The following MAPK4 variants were observed in gnomAD, a reference collection of about 807,000 sequenced individuals.
The protein encoded by MAPK4 is mitogen-activated protein kinase 4, also known as Erk3-related.
A neutral mutation model predicts 47.7 loss-of-function variants in MAPK4; 22 were observed. The ratio of observed to expected loss-of-function variants is 0.46; its 90% CI spans 0.33 to 0.66. The LOEUF (loss-of-function observed/expected upper bound fraction) is 0.66, where lower values mean the gene tolerates loss of function less well. Among genes scored for constraint, MAPK4 ranks in the 30% least tolerant of loss-of-function variants. The probability of loss-of-function intolerance (pLI) is 0.02; values close to 1 mark genes in which losing one functional copy is unlikely to be tolerated. For missense variants in MAPK4, 736 were observed against 831.7 expected (o/e 0.88, Z 1.42); for synonymous variants, 390 against 365.7 (o/e 1.07, Z -0.76).
Position 50,729,956 on chromosome 18 carries a change from G to T in MAPK4, c.*102G>T, listed in dbSNP as rs934074299. On this transcript the variant is annotated 3_prime_UTR_variant, in exon 6 of 6. Coordinates refer to ENST00000400384, the MANE Select transcript of MAPK4 (RefSeq NM_002747.4). ...CTTCCCGCCCCTCTCTGCTGCCTTG[G>T]GGTTGGCAGAACACGTGAAGGATCC... 1.1e-5 allele frequency: 14 copies of T among 1,252,596 alleles called. No homozygotes were observed. In the South Asian group the frequency reaches 2.3e-4, roughly 20 times the overall value. 77.6% of individuals were successfully genotyped at this position (1,252,596 alleles called of 1,614,324 possible).
chr18:50,580,738 C>T lies in MAPK4; in HGVS notation c.-871+20495C>T, dbSNP rs149319141. ...GTTGGCCCTGCTCCGTGGAACAGCA[C>T]TAGAATATAAACTGCCATATTCTCT... On this transcript the variant is annotated intron_variant, in intron 1 of 5. Transcript: ENST00000400384. Among the ~76,000 whole-genome samples, 52 of 152,314 alleles carry T rather than the reference C, an allele frequency of 3.4e-4. No individual in the cohort carries two copies. The East Asian group carries it at 8.9e-3, about 26-fold the overall frequency.
chr18:50,627,580 T>C (rs2042789840), intron 1 of MAPK4, among the ~76,000 whole-genome samples: 1 of 152,188 alleles, frequency 6.6e-6, no homozygotes, highest in Non-Finnish European at 1.5e-5. Context: ...AAGTTGTTGC[T>C]TATAAGGACC....
At chr18:50,705,662 TC>T (rs1947321321) in intron 2 of MAPK4, 4 of 152,108 alleles carry the variant, frequency 2.6e-5, no homozygotes. Flanking sequence ...TCCACCCTCC[TC>T]GGGGGAAGAG....
chr18:50,648,808 G>T (rs1018008650), intron 1 of MAPK4, among the ~76,000 whole-genome samples: 2 of 152,114 alleles, frequency 1.3e-5, no homozygotes, highest in African/African-American at 4.8e-5. Flanking sequence ...CCCTACCCTC[G>T]CTATGCTTGC....
intron 1 of MAPK4, among the ~76,000 whole-genome samples, chr18:50,647,814 C>A (rs1191027899): frequency 6.6e-6 from 1 of 152,106 alleles, no homozygotes; most frequent in Admixed American, 6.6e-5. Context: ...TCCTCTTAAG[C>A]CTCTGCTGTC....
At chr18:50,719,928 C>A (rs1910847575) in intron 3 of MAPK4, among the ~76,000 whole-genome samples, 1 of 152,230 alleles carries the variant, frequency 6.6e-6, no homozygotes, top group South Asian at 2.1e-4. Flanking sequence ...CCTCACATTT[C>A]TCTCTTACCA....
At chr18:50,592,580 G>A (rs546642343) in intron 1 of MAPK4, among the ~76,000 whole-genome samples, 11 of 152,270 alleles carry the variant, frequency 7.2e-5, no homozygotes, top group African/African-American at 2.4e-4. Context: ...TCAACCTTGT[G>A]TGACTGAAGG....
intron 1 of MAPK4, among the ~76,000 whole-genome samples, chr18:50,641,493 A>G (rs1357428882): frequency 6.6e-6 from 1 of 152,206 alleles, no homozygotes; most frequent in Non-Finnish European, 1.5e-5. Flanking sequence ...CAAAATATAT[A>G]TATACTTTTA....
chr18:50,582,781 C>G (rs1189093822), intron 1 of MAPK4, among the ~76,000 whole-genome samples: 2 of 152,268 alleles, frequency 1.3e-5, no homozygotes, highest in Non-Finnish European at 2.9e-5. Flanking sequence ...ACACGAGCAG[C>G]TTCCATGTTG....
At chr18:50,602,908 G>C (rs2149373339) in intron 1 of MAPK4, among the ~76,000 whole-genome samples, 1 of 152,234 alleles carries the variant, frequency 6.6e-6, no homozygotes, top group Admixed American at 6.5e-5. Context: ...GAATATTGCA[G>C]CCTCCTCAGA....
At chr18:50,688,889 T>TAAAA (rs35330620) in intron 2 of MAPK4, among the ~76,000 whole-genome samples, 45 of 115,826 alleles carry the variant, frequency 3.9e-4, no homozygotes, top group African/African-American at 5.6e-4. Context: ...CCTATGGAAA[T>TAAAA]AAAAAAAAAA....
rs181083226 is a variant in MAPK4 at position 50,695,640 on chromosome 18, G to A, written c.547-19439G>A. Among the ~76,000 whole-genome samples, 13 of 152,306 alleles carry A rather than the reference G, an allele frequency of 8.5e-5. No individual in the cohort carries two copies. In the East Asian group the frequency reaches 9.7e-4, roughly 11 times the overall value. The stretch of plus-strand genomic sequence containing the variant: ...AGACAGAAGGTGGCGGATGCCACGC[G>A]TGCAGTAGAGAGAGCTAGAGAGAGC... On this transcript the variant is annotated intron_variant, in intron 2 of 5. Coordinates refer to ENST00000400384, the MANE Select transcript of MAPK4 (RefSeq NM_002747.4).
intron 4 of MAPK4, among the ~76,000 whole-genome samples, chr18:50,725,502 T>G (rs1911143330): frequency 6.6e-6 from 1 of 152,212 alleles, no homozygotes; most frequent in Admixed American, 6.5e-5. Context: ...ATATCCCAGC[T>G]TCCCTGCCCC....
upstream of MAPK4, chr18:50,559,998 G>GGGGGCCCAGTGGGCGGGGGC (rs1389714461): frequency 1.3e-5 from 2 of 149,348 alleles, no homozygotes; most frequent in African/African-American, 4.9e-5. Context: ...CGCAGCAGGT[G>GGGGGCCCAGTGGGCGGGGGC]GGGGCCCAGT....
intron 1 of MAPK4, among the ~76,000 whole-genome samples, chr18:50,649,681 A>G (rs1365995713): frequency 6.6e-6 from 1 of 152,226 alleles, no homozygotes; most frequent in Non-Finnish European, 1.5e-5. Flanking sequence ...GTTAAAGGCA[A>G]TATCTATCAA....
chr18:50,560,624 AG>A (rs977166294), intron 1 of MAPK4: 8 of 152,600 alleles, frequency 5.2e-5, no homozygotes, highest in African/African-American at 1.9e-4. Context: ...GGGGTCGCCG[AG>A]GGGCAGTTCA....
At chr18:50,654,925 CAG>C (rs1055946524) in intron 1 of MAPK4, among the ~76,000 whole-genome samples, 17 of 152,326 alleles carry the variant, frequency 1.1e-4, no homozygotes, top group African/African-American at 3.1e-4. Flanking sequence ...AAAAGGAAAA[CAG>C]AGCAAAGCCT....
At chr18:50,603,709 T>C (rs2042560231) in intron 1 of MAPK4, among the ~76,000 whole-genome samples, 1 of 152,036 alleles carries the variant, frequency 6.6e-6, no homozygotes, top group African/African-American at 2.4e-5. Context: ...TAAGCACTTG[T>C]TAAGTATTCA....
At chr18:50,722,216 A>G in intron 4 of MAPK4, 117 bp downstream of exon 4, 1 of 1,186,336 alleles carries the variant, frequency 8.4e-7, no homozygotes, top group Non-Finnish European at 1.2e-6. Context: ...CCTTGGATAT[A>G]AAAGTCAAGG....
Sources: allele counts gnomAD v4.1 joint callset (sites outside exome capture counted in the v4.1 genomes callset), GRCh38; gene constraint gnomAD v4.1.1; transcripts MANE v1.5; gene names NCBI Gene and HGNC (gene_info 2026-07-23, HGNC 2026-07-21).